LIPA: variants seen among roughly 807,000 people sequenced by gnomAD.
The protein encoded by LIPA is lipase A, lysosomal acid type, also known as lysosomal acid lipase/cholesteryl ester hydrolase.
A neutral mutation model predicts 40.6 loss-of-function variants in LIPA; 26 were observed. The ratio of observed to expected loss-of-function variants is 0.64; its 90% CI spans 0.47 to 0.89. The LOEUF (loss-of-function observed/expected upper bound fraction) is 0.89. LIPA is among the 40% of genes least tolerant of loss of function. The pLI is 0.00. For synonymous variants in LIPA, 188 were observed against 168.4 expected (o/e 1.12, Z -0.90); for missense variants, 455 against 479.6 (o/e 0.95, Z 0.48).
intron 1 of LIPA, among the ~76,000 whole-genome samples, chr10:89,265,844 CTA>C (rs761175707): frequency 6.6e-6 from 1 of 152,188 alleles, no homozygotes; most frequent in Non-Finnish European, 1.5e-5. Context: ...AAAGAAGATG[CTA>C]TGTTATTATT....
At chr10:89,312,815 A>T (rs971717111) in intron 1 of LIPA, among the ~76,000 whole-genome samples, 2 of 151,886 alleles carry the variant, frequency 1.3e-5, no homozygotes, top group African/African-American at 4.8e-5. Context: ...TCTCAAAAAA[A>T]AAAAATAATA....
chr10:89,307,408 C>G (rs200809128), intron 1 of LIPA: 1 of 1,510,102 alleles, frequency 6.6e-7, no homozygotes, highest in Admixed American at 2.1e-5. Context: ...TAGGCTACTG[C>G]TGAAAGGGAG....
chr10:89,409,012 G>A (rs1564814549), intron 2 of LIPA, among the ~76,000 whole-genome samples: 1 of 152,202 alleles, frequency 6.6e-6, no homozygotes, highest in Non-Finnish European at 1.5e-5. Flanking sequence ...ATTATTCAGT[G>A]ATGTCCACCA....
At chr10:89,223,525 G>A (rs546586504) in intron 7 of LIPA, among the ~76,000 whole-genome samples, 159 bp downstream of exon 7, 1 of 152,248 alleles carries the variant, frequency 6.6e-6, no homozygotes, top group East Asian at 1.9e-4. Context: ...AGGTGGTACC[G>A]TATTCTAGGC....
intron 1 of LIPA, among the ~76,000 whole-genome samples, chr10:89,321,308 C>T (rs1843570643): frequency 6.6e-6 from 1 of 152,168 alleles, no homozygotes; most frequent in Non-Finnish European, 1.5e-5. Context: ...AAAATTTTTA[C>T]AATCTACCCA....
chr10:89,260,440 A>G (rs1466940299), intron 1 of LIPA, among the ~76,000 whole-genome samples: 1 of 152,190 alleles, frequency 6.6e-6, no homozygotes, highest in Non-Finnish European at 1.5e-5. Context: ...GGAAGGCCCA[A>G]CTCACCTGGC....
intron 1 of LIPA, chr10:89,292,273 T>C (rs1843378979): frequency 6.6e-6 from 1 of 152,270 alleles, no homozygotes; most frequent in East Asian, 1.9e-4. Flanking sequence ...GATAAACTTT[T>C]CTACTCTTTT....
At chr10:89,311,723 T>C (rs1299731587) in intron 1 of LIPA, among the ~76,000 whole-genome samples, 5 of 152,192 alleles carry the variant, frequency 3.3e-5, no homozygotes. Flanking sequence ...TTTTAGGTTA[T>C]GGAAAAGAGT....
intron 9 of LIPA, 138 bp from the exon 10 acceptor site, chr10:89,215,199 T>C (rs1161762856): frequency 1.4e-6 from 1 of 719,930 alleles, no homozygotes; most frequent in Admixed American, 2.1e-5. Context: ...TCTTTGAGTA[T>C]CTTTTCAAGT....
At chr10:89,273,652 T>C (rs1843276566) in intron 1 of LIPA, among the ~76,000 whole-genome samples, 1 of 152,224 alleles carries the variant, frequency 6.6e-6, no homozygotes, top group African/African-American at 2.4e-5. Flanking sequence ...ACAGTACTCA[T>C]AATCTAGTCA....
intron 2 of LIPA, among the ~76,000 whole-genome samples, chr10:89,389,867 T>C (rs1844233133): frequency 6.6e-6 from 1 of 151,848 alleles, no homozygotes; most frequent in South Asian, 2.1e-4. Flanking sequence ...GAGTCCCATA[T>C]CTCTCAGTCA....
chr10:89,327,836 T>C (rs903317976), intron 1 of LIPA: 1 of 527,014 alleles, frequency 1.9e-6, no homozygotes, highest in African/African-American at 1.9e-5. Flanking sequence ...TCTCAAGCCG[T>C]TAGGTTTCAT....
chr10:89,334,072 A>G (rs1311644672), intron 1 of LIPA, among the ~76,000 whole-genome samples: 2 of 152,240 alleles, frequency 1.3e-5, no homozygotes, highest in Non-Finnish European at 2.9e-5. Context: ...CAAGCTGCAC[A>G]TGTGCAGACA....
intron 8 of LIPA, among the ~76,000 whole-genome samples, chr10:89,221,371 CG>C (rs1430933903): frequency 3.9e-5 from 6 of 151,958 alleles, no homozygotes; most frequent in African/African-American, 1.4e-4. Flanking sequence ...TAAAATAAAA[CG>C]AAAAAATAAA....
intron 1 of LIPA, among the ~76,000 whole-genome samples, chr10:89,273,440 A>G (rs748981396): frequency 9.2e-5 from 14 of 152,184 alleles, no homozygotes; most frequent in Non-Finnish European, 1.3e-4. Flanking sequence ...ACACAGTGTC[A>G]ATGTAGCAGG....
intron 1 of LIPA, chr10:89,328,063 A>G: frequency 6.2e-7 from 1 of 1,613,970 alleles, no homozygotes; most frequent in Non-Finnish European, 8.5e-7. Context: ...GCAGAGACAC[A>G]GAGGGCAGTC....
intron 3 of LIPA, among the ~76,000 whole-genome samples, chr10:89,244,854 G>C (rs1843004781): frequency 6.6e-6 from 1 of 152,230 alleles, no homozygotes; most frequent in South Asian, 2.1e-4. Flanking sequence ...ATGAAAATCA[G>C]CTTGGCAATA....
At position 89,320,256 on chromosome 10, in the gene LIPA, T is replaced by C. The variant is rs1376413547; in HGVS notation, c.-2+22355A>G. ...GAGAAAGAAATAAAGGGTATTCAAT[T>C]AGGAAAAGAGGAAGTCAAATTGTCC... On this transcript the variant is annotated intron_variant, in intron 1 of 5. Transcript: ENST00000282673. 3.9e-5 allele frequency among the ~76,000 whole-genome samples: 6 copies of C among 152,264 alleles called. No individual in the cohort carries two copies. The East Asian group carries it at 1.2e-3, about 29-fold the overall frequency.
intron 1 of LIPA, among the ~76,000 whole-genome samples, chr10:89,317,866 G>A (rs1292013541): frequency 6.6e-6 from 1 of 152,186 alleles, no homozygotes; most frequent in African/African-American, 2.4e-5. Flanking sequence ...AACAGCAGAT[G>A]TCTCGGCAGA....
Sources: allele counts gnomAD v4.1 joint callset (sites outside exome capture counted in the v4.1 genomes callset), GRCh38; gene constraint gnomAD v4.1.1; transcripts MANE v1.5; gene names NCBI Gene and HGNC (gene_info 2026-07-23, HGNC 2026-07-21).